The following ADA variants were observed in gnomAD, a reference collection of about 807,000 sequenced individuals.
ADA encodes adenosine aminohydrolase.
A neutral mutation model predicts 49.0 loss-of-function variants in ADA; 45 were observed. The observed-to-expected ratio is 0.92, with a 90% CI of 0.72 to 1.18. The LOEUF (loss-of-function observed/expected upper bound fraction) is 1.18. Ranked by LOEUF, ADA falls within the 50% of genes most tolerant of loss-of-function variation. The pLI is 0.00. For synonymous variants in ADA, 173 were observed against 184.2 expected (o/e 0.94, Z 0.49); for missense variants, 445 against 472.5 (o/e 0.94, Z 0.54).
chr20:44,640,027 G>C (rs529978065), intron 1 of ADA, among the ~76,000 whole-genome samples: 15 of 151,936 alleles, frequency 9.9e-5, no homozygotes, highest in Non-Finnish European at 2.1e-4. Flanking sequence ...AAGGAGAAGC[G>C]AGCAACGGTT....
rs2065309560 is a variant in ADA, at chr20:44,619,743, GTCT to G, written c.*88_*90del. 8 of 1,527,854 alleles carry G rather than the reference GTCT, an allele frequency of 5.2e-6. No individual in the cohort carries two copies. The highest frequency in any genetic ancestry group is 4.1e-5 in the African/African-American group (3 of 73,206). 94.6% of individuals were successfully genotyped at this position (1,527,854 alleles called of 1,614,324 possible). ...TCAGTAACTGACTATTGAGATCATG[GTCT>G]TCTTGGAAGGAATAAATGTAAAAAT... On this transcript the variant is annotated 3_prime_UTR_variant, in exon 12 of 12. Coordinates refer to ENST00000372874, the MANE Select transcript of ADA (RefSeq NM_000022.4).
Position 44,620,344 on chromosome 20 carries a change from C to A in ADA, c.1033G>T (p.Asp345Tyr), listed in dbSNP as rs779530705. 4 of 1,614,050 alleles carry A rather than the reference C, an allele frequency of 2.5e-6. No homozygotes were observed. The highest frequency in any genetic ancestry group is 1.7e-5 in the Admixed American group (1 of 60,004). ...LPEDEKRELL[D>Y]LLYKAYGMPP... The stretch of plus-strand genomic sequence containing the variant: ...ATCCCATAGGCTTTATAGAGCAGGT[C>A]GAGAAGCTCCCTCTTTTCATCTTCT... Residue 345 changes from aspartate to tyrosine, a missense_variant, in exon 11 of 12, where the codon GAC (aspartate) becomes TAC (tyrosine). Asp to Tyr is a radical substitution (Grantham distance 160, BLOSUM62 -3). Transcript: ENST00000372874.
At chr20:44,651,409 C>G (rs1314295895) in intron 1 of ADA, among the ~76,000 whole-genome samples, 166 bp downstream of exon 1, 1 of 152,244 alleles carries the variant, frequency 6.6e-6, no homozygotes, top group Admixed American at 6.5e-5. Context: ...GCCCCATTGT[C>G]CCTGATTAGC....
At chr20:44,649,987 T>TG (rs201332008) in intron 1 of ADA, among the ~76,000 whole-genome samples, 1,992 of 152,262 alleles carry the variant, frequency 0.013, 37 homozygotes, top group African/African-American at 0.045. Flanking sequence ...CACCCACCTT[T>TG]GCCTCCCAAA....
chr20:44,647,995 A>G (rs1293873435), intron 1 of ADA, among the ~76,000 whole-genome samples: 1 of 151,996 alleles, frequency 6.6e-6, no homozygotes, highest in Admixed American at 6.5e-5. Flanking sequence ...GCAGGGACCC[A>G]AAATCTTGCC....
chr20:44,621,137 C>T lies in ADA; in HGVS notation c.856G>A (p.Asp286Asn). The change falls in exon 10 of 12, where the codon GAC becomes AAC. Residue 286 changes from aspartate (D) to asparagine (N), a missense_variant. By Grantham distance (23) the Asp-to-Asn change is conservative. Coordinates refer to ENST00000372874, the MANE Select transcript of ADA (RefSeq NM_000022.4). The stretch of plus-strand genomic sequence containing the variant: ...GTGTTGAGCGAGTAGTTAGCCTGGT[C>T]ATTTTTGAGCCTGCAGAAGAGGGAG... ...TEHAVIRLKN[D>N]QANYSLNTDD... The T allele has an allele frequency of 6.2e-7, 1 of 1,614,148 alleles. No individual in the cohort carries two copies. Among genetic ancestry groups the T allele is most frequent in the Non-Finnish European group, 8.5e-7 (1 of 1,180,032 alleles).
chr20:44,641,772 G>GC (rs1429670564), intron 1 of ADA, among the ~76,000 whole-genome samples: 3 of 143,392 alleles, frequency 2.1e-5, no homozygotes, highest in Non-Finnish European at 4.6e-5. Flanking sequence ...TGTTGTTGTT[G>GC]TTTTTTTTTT....
At chr20:44,637,079 A>G (rs1194756655) in intron 1 of ADA, among the ~76,000 whole-genome samples, 3 of 152,194 alleles carry the variant, frequency 2.0e-5, no homozygotes, top group Non-Finnish European at 2.9e-5. Flanking sequence ...TGCTGGGATT[A>G]CAGGTATGTG....
At chr20:44,622,737 C>T (rs1222930808) in intron 8 of ADA, 85 bp from the exon 9 acceptor site, 21 of 1,613,590 alleles carry the variant, frequency 1.3e-5, no homozygotes, top group African/African-American at 2.7e-5. Flanking sequence ...GGCCACCCCT[C>T]GAGTTCCTGG....
intron 3 of ADA, among the ~76,000 whole-genome samples, chr20:44,628,820 C>T (rs1178420557): frequency 6.6e-6 from 1 of 152,092 alleles, no homozygotes; most frequent in African/African-American, 2.4e-5. Context: ...CATATTCTGC[C>T]ATTTCTCTGT....
chr20:44,636,868 TG>T (rs2065485621), intron 1 of ADA, among the ~76,000 whole-genome samples: 1 of 152,162 alleles, frequency 6.6e-6, no homozygotes, highest in Non-Finnish European at 1.5e-5. Flanking sequence ...TGCAGTGACA[TG>T]ATCTCCTCTC....
intron 2 of ADA, among the ~76,000 whole-genome samples, chr20:44,632,331 C>G (rs1321440934): frequency 6.6e-6 from 1 of 152,102 alleles, no homozygotes; most frequent in Non-Finnish European, 1.5e-5. Context: ...TAGGAAGGGA[C>G]TGGGGCTTTG....
chr20:44,622,461 T>C (rs2065340798), intron 9 of ADA, 127 bp downstream of exon 9: 1 of 1,162,888 alleles, frequency 8.6e-7, no homozygotes, highest in East Asian at 2.6e-5. Flanking sequence ...AATGCCTGCT[T>C]CCCAGGGTGT....
intron 6 of ADA, chr20:44,623,802 C>T: frequency 3.7e-6 from 1 of 269,202 alleles, no homozygotes; most frequent in South Asian, 3.6e-5. Flanking sequence ...GGCTGGAGTG[C>T]AGTCGCATTA....
At position 44,620,345 on chromosome 20, in the gene ADA, G is replaced by A. The variant is rs746337420; in HGVS notation, c.1032C>T (p.Leu344=). The A allele has an allele frequency of 1.4e-5, 23 of 1,614,230 alleles. No homozygotes were observed. In the South Asian group the frequency reaches 1.8e-4, roughly 12 times the overall value. The change falls in exon 11 of 12, where the codon CTC becomes CTT. Residue 344 remains leucine, a synonymous_variant. Coordinates refer to ENST00000372874, the MANE Select transcript of ADA (RefSeq NM_000022.4). ...FLPEDEKREL[L]DLLYKAYGMP... ...TCCCATAGGCTTTATAGAGCAGGTC[G>A]AGAAGCTCCCTCTTTTCATCTTCTG...
intron 10 of ADA, 132 bp from the exon 11 acceptor site, chr20:44,620,533 G>A: frequency 1.3e-6 from 1 of 789,322 alleles, no homozygotes; most frequent in Non-Finnish European, 2.2e-6. Flanking sequence ...TTTGTCCACT[G>A]TCACACGGCA....
chr20:44,642,297 A>G (rs1645736830), intron 1 of ADA, among the ~76,000 whole-genome samples: 1 of 152,204 alleles, frequency 6.6e-6, no homozygotes, highest in Non-Finnish European at 1.5e-5. Flanking sequence ...CAGCAGCACA[A>G]GGTAGCCTCT....
intron 2 of ADA, among the ~76,000 whole-genome samples, chr20:44,630,353 A>T (rs1015381293): frequency 6.6e-6 from 1 of 152,250 alleles, no homozygotes. Context: ...CACAAAAAAA[A>T]AAAGAAAAAA....
At chr20:44,634,776 C>T (rs1336200499) in intron 2 of ADA, among the ~76,000 whole-genome samples, 2 of 152,206 alleles carry the variant, frequency 1.3e-5, no homozygotes, top group African/African-American at 2.4e-5. Flanking sequence ...GAGATGCTCC[C>T]GAGAGTTGGG....
Sources: gnomAD v4.1 joint callset for allele counts (sites outside exome capture counted in the v4.1 genomes callset) on GRCh38, gnomAD v4.1.1 for gene constraint, MANE v1.5 for transcripts, NCBI Gene and HGNC (gene_info 2026-07-23, HGNC 2026-07-21) for gene names.